AMOT: variants seen among roughly 807,000 people sequenced by gnomAD.
The protein encoded by AMOT is angiomotin.
A neutral mutation model predicts 67.0 loss-of-function variants in AMOT; 11 were observed. The ratio of observed to expected loss-of-function variants is 0.16; its 90% confidence interval spans 0.10 to 0.27. The LOEUF is 0.27. Among genes scored for constraint, AMOT ranks in the 10% least tolerant of loss-of-function variants. The pLI is 1.00. For missense variants in AMOT, 753 were observed against 852.0 expected, an observed-to-expected ratio of 0.88 and a Z score of 1.45; for synonymous variants, 326 against 321.4, an observed-to-expected ratio of 1.01 and a Z score of -0.15.
intron 1 of AMOT, among the ~76,000 whole-genome samples, chrX:112,836,513 A>G (rs1285756892): frequency 1.8e-5 from 2 of 111,239 alleles, no homozygotes; most frequent in Admixed American, 9.6e-5. Flanking sequence ...GCTCTTATTG[A>G]AAAGCAACAT....
chrX:112,782,848 AGAAGGCAACGTTATTAGT>A (rs1933241626), intron 10 of AMOT, among the ~76,000 whole-genome samples, 186 bp from the exon 11 acceptor site: 1 of 112,183 alleles, frequency 8.9e-6, no homozygotes, highest in Non-Finnish European at 1.9e-5. Context: ...CGTTCAGGGT[AGAAGGCAACGTTATTAGT>A]ATAGAAGTGG....
intron 1 of AMOT, among the ~76,000 whole-genome samples, chrX:112,837,743 G>C (rs976135788): frequency 1.8e-5 from 2 of 111,519 alleles, no homozygotes; most frequent in African/African-American, 6.5e-5. Context: ...AAGTAAGTAA[G>C]ACTAAAGACA....
At chrX:112,833,205 T>C (rs1248892853) in intron 1 of AMOT, among the ~76,000 whole-genome samples, 1 of 111,604 alleles carries the variant, frequency 9.0e-6, no homozygotes, top group East Asian at 2.8e-4. Context: ...GCCCATATTT[T>C]ACATTTGGCT....
chrX:112,814,357 T>C (rs192467203), intron 5 of AMOT, among the ~76,000 whole-genome samples: 1 of 111,713 alleles, frequency 9.0e-6, no homozygotes, highest in East Asian at 2.8e-4. Flanking sequence ...ATTTGGTGTC[T>C]GTTTACAAAT....
In AMOT at chrX:112,815,372, C is replaced by T; in HGVS notation, c.1378G>A (p.Ala460Thr). Residue 460 changes from alanine (A) to threonine (T), a missense_variant, in exon 5 of 14, where the codon GCA (alanine) becomes ACA (threonine). Ala to Thr is a moderately conservative substitution (Grantham distance 58). Coordinates refer to ENST00000371959, the MANE Select transcript of AMOT (RefSeq NM_001113490.2). ...GGAAGCCTCACCTTCTGCAGTCTTG[C>T]CACCTTCTCATAGCATCCTTCCAAC... is the stretch of plus-strand genomic sequence containing the variant. ...QELEGCYEKV[A>T]RLQKVETEIQ... is the part of the protein sequence containing the mutation. 1 of 1,209,118 alleles carries T rather than the reference C, an allele frequency of 8.3e-7. No homozygotes were observed. Among genetic ancestry groups the T allele is most frequent in the Non-Finnish European group, 1.1e-6 (1 of 894,032 alleles).
intron 8 of AMOT, among the ~76,000 whole-genome samples, chrX:112,801,244 G>C (rs1374075341): frequency 9.0e-6 from 1 of 111,435 alleles, no homozygotes; most frequent in African/African-American, 3.3e-5. Context: ...GGCTGTCTTT[G>C]AATGGGAGAA....
chrX:112,827,734 T>C (rs1294816629), intron 2 of AMOT, among the ~76,000 whole-genome samples: 1 of 111,863 alleles, frequency 8.9e-6, no homozygotes, highest in African/African-American at 3.2e-5. Flanking sequence ...AACACATTAA[T>C]GTTTCCCAAG....
chrX:112,825,451 C>G (rs1164837418), intron 2 of AMOT, among the ~76,000 whole-genome samples: 1 of 111,648 alleles, frequency 9.0e-6, no homozygotes, highest in Non-Finnish European at 1.9e-5. Flanking sequence ...TGGAAATGTT[C>G]AGGTCTGAGA....
intron 5 of AMOT, among the ~76,000 whole-genome samples, chrX:112,811,723 T>C (rs889659461): frequency 1.8e-5 from 2 of 112,021 alleles, no homozygotes; most frequent in Non-Finnish European, 3.8e-5. Flanking sequence ...ATTTTGAAAA[T>C]ATTAGTAATA....
chrX:112,781,010 C>T lies in AMOT; in HGVS notation c.2349G>A (p.Arg783=). The change falls in exon 12 of 14, where the codon CGG becomes CGA. Residue 783 remains arginine, a synonymous_variant. Transcript: ENST00000371959. The part of the protein sequence containing the change: ...PSKTEQLSCM[R]PAKSLMSISN... ...AAATGGACATCAGAGACTTCGCTGGCCGCATGCACGACAGCTGCTCTGTCT... is the reference window on the plus strand; with the variant it reads ...AAATGGACATCAGAGACTTCGCTGGTCGCATGCACGACAGCTGCTCTGTCT... 1 of 1,212,071 alleles carries T rather than the reference C, an allele frequency of 8.3e-7. No homozygotes were observed. Among genetic ancestry groups the T allele is most frequent in the Non-Finnish European group, 1.1e-6 (1 of 895,588 alleles).
In AMOT at chrX:112,784,681, AC is replaced by A. The variant is rs1361936208; in HGVS notation, c.2118-2020del. ...TAGGTGGAAAGATGGAAGGAGACTA[AC>A]ATACAGAGATTACAAGAGATTCTGA... On this transcript the variant is annotated intron_variant, in intron 10 of 13. Coordinates refer to ENST00000371959, the MANE Select transcript of AMOT (RefSeq NM_001113490.2). 2.7e-5 allele frequency among the ~76,000 whole-genome samples: 3 copies of A among 112,464 alleles called. No homozygotes were observed. In the East Asian group the frequency reaches 8.4e-4, roughly 32 times the overall value.
chrX:112,831,882 A>C (rs1371954993), intron 2 of AMOT, among the ~76,000 whole-genome samples: 1 of 110,636 alleles, frequency 9.0e-6, no homozygotes, highest in African/African-American at 3.3e-5. Context: ...TGTGGGAGGG[A>C]AAGAAATTCC....
At chrX:112,783,294 CA>C (rs377256668) in intron 10 of AMOT, among the ~76,000 whole-genome samples, 769 of 49,740 alleles carry the variant, frequency 0.015, 7 homozygotes, top group African/African-American at 0.043. Flanking sequence ...GACTCTGTCT[CA>C]AAAAAAAAAA....
chrX:112,819,219 T>A (rs1207987396), intron 4 of AMOT: 1 of 305,488 alleles, frequency 3.3e-6, no homozygotes. Context: ...CACATGTGCA[T>A]GCACACACAC....
In AMOT at chrX:112,829,548, A is replaced by C. The variant is rs142886334; in HGVS notation, c.-212+2746T>G. On this transcript the variant is annotated intron_variant, in intron 2 of 13. Transcript: ENST00000371959. ...CCTGTCTCCGGTACTTCTTTATAGC[A>C]ATGCAAGGACAGCTTAATACACTCT... Among the ~76,000 whole-genome samples, 892 of 112,004 alleles carry C rather than the reference A, an allele frequency of 8.0e-3. 16 individuals carry two copies. Among genetic ancestry groups the C allele is most frequent in the African/African-American group, 0.028 (848 of 30,804 alleles).
intron 1 of AMOT, among the ~76,000 whole-genome samples, chrX:112,837,614 T>G (rs1935162077): frequency 9.1e-6 from 1 of 110,414 alleles, no homozygotes; most frequent in African/African-American, 3.3e-5. Flanking sequence ...AGGAGAGTAA[T>G]GCAGTATGGC....
intron 10 of AMOT, 126 bp downstream of exon 10, chrX:112,790,466 A>G: frequency 1.3e-6 from 1 of 760,643 alleles, no homozygotes; most frequent in Non-Finnish European, 1.9e-6. Context: ...CAGATGAAAG[A>G]AAACACACTT....
chrX:112,811,525 C>T (rs1333512908), intron 5 of AMOT, 132 bp from the exon 6 acceptor site: 3 of 644,236 alleles, frequency 4.7e-6, no homozygotes, highest in Admixed American at 3.3e-5. Flanking sequence ...AAGCATAACA[C>T]AGTCAGATGA....
rs2147802011 is a variant in AMOT, at chrX:112,805,057, C to A, written c.1666G>T (p.Ala556Ser). ...GTAGAACGGGCAGTGGCCAGCTCCG[C>A]TTCCAGCTTCTCCTTCTCACGCTGG... ...ESQREKEKLE[A>S]ELATARSTNE... Residue 556 changes from alanine (A) to serine (S), a missense_variant, in exon 8 of 14, where the codon GCG becomes TCG. This residue lies in a region of AMOT where 297 missense variants were observed against 284.3 expected (regional missense o/e 1.04). Transcript: ENST00000371959. 8.3e-7 allele frequency: 1 copy of A among 1,211,851 alleles called. No individual in the cohort carries two copies. Among genetic ancestry groups the A allele is most frequent in the East Asian group, 3.0e-5 (1 of 33,853 alleles).
Sources: gnomAD v4.1 joint callset for allele counts (sites outside exome capture counted in the v4.1 genomes callset) on GRCh38, gnomAD v4.1.1 for gene constraint, gnomAD v4.1.1 regional missense constraint, MANE v1.5 for transcripts, NCBI Gene and HGNC (gene_info 2026-07-23, HGNC 2026-07-21) for gene names.